SLC22A16: variants seen among roughly 807,000 people sequenced by gnomAD.
SLC22A16 encodes solute carrier family 22 member 16, also known as WUGSC:RG331P03.1.
Under a neutral mutation model 52.9 loss-of-function variants are expected in SLC22A16, and 53 were observed. That is an observed-to-expected ratio of 1.00 (90% confidence interval 0.80 to 1.26). The LOEUF (loss-of-function observed/expected upper bound fraction) is 1.26, where lower values mean the gene tolerates loss of function less well. SLC22A16 is among the 50% of genes most tolerant of loss of function. SLC22A16 has a pLI of 0.00. For synonymous variants in SLC22A16, 291 were observed against 268.8 expected (o/e 1.08, Z -0.81); for missense variants, 726 against 704.0 (o/e 1.03, Z -0.35).
chr6:110,425,044 T>G lies in SLC22A16; in HGVS notation c.1563A>C (p.Thr521=). The change falls in exon 8 of 8, where the codon ACA becomes ACC. Residue 521 remains threonine (T), a synonymous_variant. Coordinates refer to ENST00000368919, the MANE Select transcript of SLC22A16 (RefSeq NM_033125.4). The part of the protein sequence containing the change: ...GTMALLSGVL[T]LKLPETLGKR... ...TCCCAAGGGTTTCTGGAAGCTTTAG[T>G]GTTAACACTCCACTCAGGAGGGCCA... The G allele has an allele frequency of 6.2e-7, 1 of 1,614,182 alleles. No homozygotes were observed. Among genetic ancestry groups the G allele is most frequent in the Non-Finnish European group, 8.5e-7 (1 of 1,180,034 alleles).
At chr6:110,463,617 C>A (rs1775968661) in intron 1 of SLC22A16, among the ~76,000 whole-genome samples, 1 of 150,590 alleles carries the variant, frequency 6.6e-6, no homozygotes, top group Non-Finnish European at 1.5e-5. Flanking sequence ...ATGCACCCAG[C>A]ATCAGAGCAC....
At chr6:110,442,824 A>G in intron 3 of SLC22A16, 49 bp from the exon 4 acceptor site, 1 of 1,548,848 alleles carries the variant, frequency 6.5e-7, no homozygotes, top group South Asian at 1.2e-5. Flanking sequence ...ATTTATAACT[A>G]TTGAGGAGTC....
Position 110,438,798 on chromosome 6 carries a change from C to G in SLC22A16, c.1233G>C (p.Lys411Asn). ...AGGCCAGGACTGTTCTCCTCCCGAC[C>G]TTGTCCATGGCGATGCACACGAAGG... Reference protein sequence around the residue: ...AYTFVCIAMDKVGRRTVLAYS... With the variant: ...AYTFVCIAMDNVGRRTVLAYS... The change falls in exon 5 of 8, where the codon AAG (lysine) becomes AAC (asparagine). Residue 411 changes from lysine to asparagine, a missense_variant. Lys to Asn is a moderately conservative substitution (Grantham distance 94). Coordinates refer to ENST00000368919, the MANE Select transcript of SLC22A16 (RefSeq NM_033125.4). The G allele has an allele frequency of 1.9e-6, 3 of 1,614,164 alleles. No homozygotes were observed. The highest frequency in any genetic ancestry group is 2.5e-6 in the Non-Finnish European group (3 of 1,180,020).
chr6:110,437,247 C>T (rs895005995), intron 5 of SLC22A16, among the ~76,000 whole-genome samples: 4 of 152,052 alleles, frequency 2.6e-5, no homozygotes, highest in Admixed American at 6.6e-5. Context: ...AGAGATTTGT[C>T]GTTGTGGGTT....
intron 2 of SLC22A16, among the ~76,000 whole-genome samples, chr6:110,447,210 A>G (rs1332849129): frequency 6.6e-6 from 1 of 152,148 alleles, no homozygotes; most frequent in East Asian, 1.9e-4. Flanking sequence ...GCTAATATAC[A>G]TACCTGATCA....
chr6:110,462,592 T>C (rs545342103), intron 1 of SLC22A16, among the ~76,000 whole-genome samples: 23 of 152,252 alleles, frequency 1.5e-4, no homozygotes, highest in Middle Eastern at 3.4e-3. Context: ...GAAAAAAGAA[T>C]TTTTTAATGA....
chr6:110,468,170 C>T (rs796948506), intron 1 of SLC22A16, among the ~76,000 whole-genome samples: 10 of 152,292 alleles, frequency 6.6e-5, no homozygotes, highest in African/African-American at 2.2e-4. Flanking sequence ...AAAATGCAGG[C>T]GGGAAGTAAG....
intron 7 of SLC22A16, among the ~76,000 whole-genome samples, chr6:110,430,400 C>G (rs1386689701): frequency 7.3e-5 from 11 of 151,682 alleles, no homozygotes; most frequent in African/African-American, 2.7e-4. Context: ...AGAGGTGATG[C>G]ATGCAGGGGG....
intron 7 of SLC22A16, among the ~76,000 whole-genome samples, chr6:110,429,716 A>G (rs1582517016): frequency 6.6e-6 from 1 of 152,260 alleles, no homozygotes; most frequent in Admixed American, 6.5e-5. Context: ...ATAAAGCCAC[A>G]CTGCGACAGC....
chr6:110,470,331 C>G (rs186446238), intron 1 of SLC22A16, among the ~76,000 whole-genome samples: 2 of 152,132 alleles, frequency 1.3e-5, no homozygotes, highest in Non-Finnish European at 2.9e-5. Flanking sequence ...ACTCAGCAAA[C>G]GACAACACAG....
intron 1 of SLC22A16, chr6:110,476,308 C>T (rs1368028888): frequency 7.3e-7 from 1 of 1,366,110 alleles, no homozygotes; most frequent in African/African-American, 1.5e-5. Flanking sequence ...CCCAGCGCCT[C>T]TGCTCACCAT....
intron 7 of SLC22A16, among the ~76,000 whole-genome samples, chr6:110,429,374 C>T (rs1436582232): frequency 2.6e-5 from 4 of 152,174 alleles, no homozygotes; most frequent in East Asian, 1.9e-4. Flanking sequence ...GCCAAGCCAG[C>T]GATTCCCGAA....
chr6:110,470,157 T>A (rs1424961046), intron 1 of SLC22A16, among the ~76,000 whole-genome samples: 1 of 152,134 alleles, frequency 6.6e-6, no homozygotes, highest in African/African-American at 2.4e-5. Context: ...ACCATGGCAA[T>A]AAGAGGCATG....
At chr6:110,426,190 G>A (rs111272716) in intron 7 of SLC22A16, among the ~76,000 whole-genome samples, 2,058 of 152,216 alleles carry the variant, frequency 0.014, 49 homozygotes, top group African/African-American at 0.047. Context: ...ACATTCCAAA[G>A]GAATTTTAAA....
Position 110,456,536 on chromosome 6 carries a change from A to G in SLC22A16, c.533+2T>C, listed in dbSNP as rs137900553. Reference sequence around the variant, plus strand: ...ACAACAATCCTAAATATTTGATTTTACCTGTCAGAAAAGTAGCCAAAAGTC... The same window carrying G: ...ACAACAATCCTAAATATTTGATTTTGCCTGTCAGAAAAGTAGCCAAAAGTC... On this transcript the variant is annotated splice_donor_variant, in intron 2 of 7. Transcript: ENST00000368919. LOFTEE classifies it high-confidence loss of function. 8 of 1,613,376 alleles carry G rather than the reference A, an allele frequency of 5.0e-6. No homozygotes were observed. The African/African-American group carries it at 1.1e-4, about 22-fold the overall frequency.
intron 6 of SLC22A16, among the ~76,000 whole-genome samples, chr6:110,433,460 T>C (rs2114901656): frequency 6.6e-6 from 1 of 152,338 alleles, no homozygotes; most frequent in African/African-American, 2.4e-5. Flanking sequence ...ATCTCTTGAC[T>C]AATGGATTTT....
intron 2 of SLC22A16, among the ~76,000 whole-genome samples, chr6:110,454,634 A>G (rs1431573429): frequency 1.9e-4 from 10 of 51,976 alleles, no homozygotes; most frequent in Non-Finnish European, 2.8e-4. Flanking sequence ...ATATATTTAT[A>G]TATATTATAT....
intron 2 of SLC22A16, among the ~76,000 whole-genome samples, chr6:110,451,910 G>A (rs552471982): frequency 6.6e-6 from 1 of 152,180 alleles, no homozygotes; most frequent in African/African-American, 2.4e-5. Flanking sequence ...ACATATGCAC[G>A]TTTAGTCCTT....
intron 2 of SLC22A16, among the ~76,000 whole-genome samples, chr6:110,454,839 ATT>A (rs1195883693): frequency 3.8e-4 from 29 of 76,882 alleles, no homozygotes; most frequent in African/African-American, 1.4e-3. Context: ...TAATATATAT[ATT>A]ATAATATATA....
Sources: gnomAD v4.1 joint callset for allele counts (sites outside exome capture counted in the v4.1 genomes callset) on GRCh38, gnomAD v4.1.1 for gene constraint, MANE v1.5 for transcripts, NCBI Gene and HGNC (gene_info 2026-07-23, HGNC 2026-07-21) for gene names.